SPAG17: variants seen among roughly 807,000 people sequenced by gnomAD.
SPAG17 encodes sperm associated antigen 17.
Under a neutral mutation model 273.6 loss-of-function variants are expected in SPAG17, and 169 were observed. The observed-to-expected ratio is 0.62, with a 90% CI of 0.55 to 0.70. The LOEUF (loss-of-function observed/expected upper bound fraction) is 0.70. Among genes scored for constraint, SPAG17 ranks in the 30% least tolerant of loss-of-function variants. The pLI is 0.00. For synonymous variants in SPAG17, 825 were observed against 873.2 expected (o/e 0.94, Z 0.97); for missense variants, 2,557 against 2,627.8 (o/e 0.97, Z 0.59).
intron 3 of SPAG17, 150 bp downstream of exon 3, chr1:118,150,393 T>G (rs76419145): frequency 0.18 from 74,948 of 415,760 alleles, 7,732 homozygotes; most frequent in Non-Finnish European, 0.21. Flanking sequence ...CAGATTTTTT[T>G]TGTGTGTGTT....
chr1:118,125,470 T>G (rs1657664714), intron 3 of SPAG17, among the ~76,000 whole-genome samples: 1 of 152,176 alleles, frequency 6.6e-6, no homozygotes, highest in Non-Finnish European at 1.5e-5. Context: ...ACACTAGAAT[T>G]TATTCCTCCT....
chr1:118,172,449 G>A (rs761278245), intron 1 of SPAG17, among the ~76,000 whole-genome samples: 10 of 152,088 alleles, frequency 6.6e-5, no homozygotes, highest in Non-Finnish European at 1.2e-4. Flanking sequence ...CAAAGGAATG[G>A]AATAACTGTC....
At chr1:118,149,407 G>A (rs1360661666) in intron 3 of SPAG17, among the ~76,000 whole-genome samples, 2 of 152,104 alleles carry the variant, frequency 1.3e-5, no homozygotes, top group Non-Finnish European at 2.9e-5. Flanking sequence ...TTGATCCCAG[G>A]CCTGAGAATT....
chr1:118,049,954 A>C (rs964658292), intron 20 of SPAG17, among the ~76,000 whole-genome samples: 1 of 152,226 alleles, frequency 6.6e-6, no homozygotes, highest in African/African-American at 2.4e-5. Context: ...GGTGATCAGC[A>C]GCTTCCCAGC....
At chr1:117,997,074 C>T (rs1471176413) in intron 32 of SPAG17, among the ~76,000 whole-genome samples, 1 of 152,010 alleles carries the variant, frequency 6.6e-6, no homozygotes, top group Non-Finnish European at 1.5e-5. Context: ...AATGGGTACT[C>T]ATGCAATAGT....
chr1:118,130,241 C>T (rs1452223064), intron 3 of SPAG17, among the ~76,000 whole-genome samples: 3 of 152,096 alleles, frequency 2.0e-5, no homozygotes, highest in Non-Finnish European at 4.4e-5. Context: ...CAGTTTTCCT[C>T]CAGTGTATGC....
At chr1:118,145,611 G>A (rs1282809534) in intron 3 of SPAG17, among the ~76,000 whole-genome samples, 5 of 151,826 alleles carry the variant, frequency 3.3e-5, no homozygotes, top group South Asian at 2.1e-4. Context: ...ATGGTCTCCC[G>A]GTTGCAATAG....
chr1:118,140,147 A>G (rs1208841501), intron 3 of SPAG17, among the ~76,000 whole-genome samples: 1 of 152,166 alleles, frequency 6.6e-6, no homozygotes, highest in African/African-American at 2.4e-5. Flanking sequence ...CTTAACTATA[A>G]AAAATAAATT....
At chr1:118,128,366 T>C (rs1657862075) in intron 3 of SPAG17, among the ~76,000 whole-genome samples, 2 of 152,208 alleles carry the variant, frequency 1.3e-5, no homozygotes, top group Non-Finnish European at 2.9e-5. Context: ...TGGTTTCCCA[T>C]TTTCCAATTT....
chr1:118,075,891 G>C (rs918515004), intron 15 of SPAG17, among the ~76,000 whole-genome samples: 1 of 152,038 alleles, frequency 6.6e-6, no homozygotes, highest in Non-Finnish European at 1.5e-5. Flanking sequence ...ACCTTCTCAA[G>C]AGTCTTCTGC....
At position 117,988,174 on chromosome 1, in the gene SPAG17, T is replaced by C. The variant is rs200392097; in HGVS notation, c.5552A>G (p.Gln1851Arg). Reference sequence around the variant, plus strand: ...GCATTTTGGAGGCGTAGCCAAAGACTGCTTGAATAAATCAGTTAGGTGAGC... The same window carrying C: ...GCATTTTGGAGGCGTAGCCAAAGACCGCTTGAATAAATCAGTTAGGTGAGC... ...VAAHLTDLFK[Q>R]SLATPPKCPP... is the part of the protein sequence containing the mutation. The change falls in exon 39 of 49, where the codon CAG becomes CGG. Residue 1851 changes from glutamine to arginine, a missense_variant. Physicochemically the swap from Gln to Arg is conservative, Grantham distance 43 (BLOSUM62 1). Coordinates refer to ENST00000336338, the MANE Select transcript of SPAG17 (RefSeq NM_206996.4). The C allele has an allele frequency of 5.6e-6, 9 of 1,601,032 alleles. No individual in the cohort carries two copies. The highest frequency in any genetic ancestry group is 5.3e-5 in the Admixed American group (3 of 56,098).
At chr1:117,983,939 A>C (rs1307793877) in intron 41 of SPAG17, 26 bp from the exon 42 acceptor site, 1 of 1,242,542 alleles carries the variant, frequency 8.0e-7, no homozygotes, top group Non-Finnish European at 1.2e-6. Flanking sequence ...AACTTATTTT[A>C]GACTTATACA....
Position 117,953,887 on chromosome 1 carries a change from C to G in SPAG17, c.*163G>C. 1.2e-6 allele frequency: 1 copy of G among 822,782 alleles called. No individual in the cohort carries two copies. The highest frequency in any genetic ancestry group is 1.9e-6 in the Non-Finnish European group (1 of 516,232). 51.0% of individuals were successfully genotyped at this position (822,782 alleles called of 1,614,324 possible). On this transcript the variant is annotated 3_prime_UTR_variant, in exon 49 of 49. Coordinates refer to ENST00000336338, the MANE Select transcript of SPAG17 (RefSeq NM_206996.4). ...GCTTTTTGGCACTCTATTCGCACGT[C>G]TTTATTAAACAGATTGAAGCTATTT...
intron 20 of SPAG17, among the ~76,000 whole-genome samples, chr1:118,045,577 C>T (rs532180691): frequency 6.6e-6 from 1 of 152,114 alleles, no homozygotes; most frequent in Non-Finnish European, 1.5e-5. Context: ...TATAATAAAC[C>T]AGAATAGTAA....
At chr1:118,137,291 T>C (rs1276361860) in intron 3 of SPAG17, among the ~76,000 whole-genome samples, 1 of 152,212 alleles carries the variant, frequency 6.6e-6, no homozygotes, top group Non-Finnish European at 1.5e-5. Flanking sequence ...ATGAGGATAA[T>C]CTCTAACTAA....
At chr1:118,025,112 A>T in intron 27 of SPAG17, 126 bp downstream of exon 27, 1 of 705,510 alleles carries the variant, frequency 1.4e-6, no homozygotes, top group Non-Finnish European at 2.3e-6. Flanking sequence ...ATCATTTGTC[A>T]TTTGAAGGTG....
Position 118,185,181 on chromosome 1 carries a change from C to A in SPAG17, c.-24G>T. On this transcript the variant is annotated 5_prime_UTR_variant, in exon 1 of 49. Transcript: ENST00000336338. ...ATGCAAAGGACGGGAGAAGCATTGG[C>A]CTCTAAACTGGGCGCAGGCCCTGCC... 3.8e-6 allele frequency: 6 copies of A among 1,592,768 alleles called. No homozygotes were observed. The highest frequency in any genetic ancestry group is 5.2e-6 in the Non-Finnish European group (6 of 1,160,524).
At chr1:118,053,176 A>T (rs1012970630) in intron 20 of SPAG17, among the ~76,000 whole-genome samples, 1 of 152,222 alleles carries the variant, frequency 6.6e-6, no homozygotes, top group African/African-American at 2.4e-5. Context: ...TAGTCTCAAA[A>T]CAAATAGTTT....
intron 3 of SPAG17, among the ~76,000 whole-genome samples, chr1:118,129,997 T>C (rs1245254914): frequency 6.6e-6 from 1 of 152,158 alleles, no homozygotes; most frequent in East Asian, 1.9e-4. Flanking sequence ...TATCAAAAAG[T>C]TGTAGTGTTT....
Sources: gnomAD v4.1 joint callset for allele counts (sites outside exome capture counted in the v4.1 genomes callset) on GRCh38, gnomAD v4.1.1 for gene constraint, MANE v1.5 for transcripts, NCBI Gene and HGNC (gene_info 2026-07-23, HGNC 2026-07-21) for gene names.